SUPT6H: variants seen among roughly 807,000 people sequenced by gnomAD.
SUPT6H encodes the protein transcription elongation factor SPT6.
A neutral mutation model predicts 222.3 loss-of-function variants in SUPT6H; 11 were observed. The observed-to-expected ratio is 0.05, with a 90% CI of 0.03 to 0.08. The LOEUF (loss-of-function observed/expected upper bound fraction) is 0.08, where lower values mean the gene tolerates loss of function less well. Among genes scored for constraint, SUPT6H ranks in the 10% least tolerant of loss-of-function variants. The pLI, the probability that SUPT6H is intolerant of heterozygous loss-of-function variation, is 1.00. For synonymous variants in SUPT6H, 762 were observed against 801.2 expected (o/e 0.95, Z 0.83); for missense variants, 1,422 against 2,216.0 (o/e 0.64, Z 7.19).
In SUPT6H at chr17:28,683,818, T is replaced by G; in HGVS notation, c.2229+2T>G. On this transcript the variant is annotated splice_donor_variant, in intron 17 of 36. Coordinates refer to ENST00000314616, the MANE Select transcript of SUPT6H (RefSeq NM_003170.5). LOFTEE classifies it high-confidence loss of function. ...GAAGCCAAGGAATATGTCATAAAGG[T>G]GAGGACAGAGACTCATGATTTTTTT... 1.3e-6 allele frequency: 2 copies of G among 1,599,076 alleles called. No homozygotes were observed. The highest frequency in any genetic ancestry group is 1.7e-5 in the Admixed American group (1 of 57,182).
At chr17:28,698,064 G>A in intron 32 of SUPT6H, 34 bp downstream of exon 32, 1 of 1,595,288 alleles carries the variant, frequency 6.3e-7, no homozygotes, top group East Asian at 2.2e-5. Flanking sequence ...GCTGCCACTG[G>A]GGTTCATAGG....
At chr17:28,680,778 G>C (rs1168786888) in intron 11 of SUPT6H, among the ~76,000 whole-genome samples, 2 of 152,094 alleles carry the variant, frequency 1.3e-5, no homozygotes, top group Non-Finnish European at 2.9e-5. Context: ...CTCCCAAGTA[G>C]CTGGGACTAC....
intron 25 of SUPT6H, among the ~76,000 whole-genome samples, chr17:28,689,821 C>T (rs934818768): frequency 2.0e-5 from 3 of 152,056 alleles, no homozygotes; most frequent in Non-Finnish European, 4.4e-5. Flanking sequence ...CTACAGTTTC[C>T]GTCTAGGCCC....
rs1297963017 is a variant in SUPT6H at position 28,678,647 on chromosome 17, C to A, written c.1206+13C>A. On this transcript the variant is annotated intron_variant, in intron 10 of 36. Transcript: ENST00000314616. ...GTGGGATGAAAAGGTAATGTAGATC[C>A]GTGGCCCCCAAGAGGTGTGGGCCAG... 4 of 1,613,546 alleles carry A rather than the reference C, an allele frequency of 2.5e-6. No homozygotes were observed. In the South Asian group the frequency reaches 3.3e-5, roughly 13 times the overall value.
Position 28,690,138 on chromosome 17 carries a change from A to C in SUPT6H, c.3399A>C (p.Arg1133=), listed in dbSNP as rs2031573300. The C allele has an allele frequency of 7.4e-6, 12 of 1,613,598 alleles. No homozygotes were observed. Among genetic ancestry groups the C allele is most frequent in the Non-Finnish European group, 9.3e-6 (11 of 1,180,044 alleles). The change falls in exon 26 of 37, where the codon CGA becomes CGC. Residue 1133 remains arginine (R), a synonymous_variant. Transcript: ENST00000314616. ...ACATCCGGGCAGAGCTGAGCTGTCG[A>C]TATAAGGACCTCCGGACAGCCTACC... ...LYDIRAELSC[R]YKDLRTAYRS... is the part of the protein sequence containing the mutation.
rs1347699704 is a variant in SUPT6H, at chr17:28,701,655, CT to C, written c.*31del. 7 of 1,576,288 alleles carry C rather than the reference CT, an allele frequency of 4.4e-6. No homozygotes were observed. Among genetic ancestry groups the C allele is most frequent in the Admixed American group, 1.8e-5 (1 of 56,762 alleles). On this transcript the variant is annotated 3_prime_UTR_variant, in exon 37 of 37. Transcript: ENST00000314616. Reference sequence around the variant, plus strand: ...CCTGCTCCTCGGACTCTGGTTACCTCTGAGGCTGGGAAAGGCCTGGCTGCCC... The same window carrying C: ...CCTGCTCCTCGGACTCTGGTTACCTCGAGGCTGGGAAAGGCCTGGCTGCCC...
chr17:28,687,085 T>C lies in SUPT6H; in HGVS notation c.2701-3T>C, dbSNP rs1331697525. On this transcript the variant is annotated splice_polypyrimidine_tract_variant and splice_region_variant and intron_variant, in intron 21 of 36. Coordinates refer to ENST00000314616, the MANE Select transcript of SUPT6H (RefSeq NM_003170.5). ...GGCCCTGCTGACCCTCGTTTGACTC[T>C]AGGCAGAGTTCCGGGATTATCCTCC... is the stretch of plus-strand genomic sequence containing the variant. The C allele has an allele frequency of 6.2e-7, 1 of 1,612,986 alleles. No homozygotes were observed. Among genetic ancestry groups the C allele is most frequent in the Admixed American group, 1.7e-5 (1 of 60,020 alleles).
At chr17:28,673,624 A>G (rs1192563192) in intron 2 of SUPT6H, 114 bp downstream of exon 2, 2 of 759,010 alleles carry the variant, frequency 2.6e-6, no homozygotes, top group South Asian at 3.2e-5. Flanking sequence ...ATGAGGTACC[A>G]GCTTGAGAAC....
intron 7 of SUPT6H, 147 bp from the exon 8 acceptor site, chr17:28,677,568 A>G: frequency 1.5e-6 from 1 of 670,294 alleles, no homozygotes. Context: ...TGCTTATTTC[A>G]TGCCAGAACA....
intron 11 of SUPT6H, among the ~76,000 whole-genome samples, chr17:28,679,290 T>A (rs2030943888): frequency 6.6e-6 from 1 of 152,150 alleles, no homozygotes; most frequent in Admixed American, 6.5e-5. Flanking sequence ...GGAGAATTGC[T>A]TGAACCTGGG....
At chr17:28,676,517 A>G (rs1304996550) in intron 7 of SUPT6H, 87 bp downstream of exon 7, 12 of 1,585,624 alleles carry the variant, frequency 7.6e-6, no homozygotes, top group Admixed American at 6.9e-5. Flanking sequence ...GGCATTGAGT[A>G]TCCAGCACAG....
At chr17:28,696,802 A>C in intron 29 of SUPT6H, 42 bp from the exon 30 acceptor site, 1 of 1,578,306 alleles carries the variant, frequency 6.3e-7, no homozygotes, top group Non-Finnish European at 8.7e-7. Flanking sequence ...GCCAGCTCCT[A>C]GCCCCATCAC....
At chr17:28,693,242 C>G (rs552315290) in intron 27 of SUPT6H, among the ~76,000 whole-genome samples, 1 of 152,012 alleles carries the variant, frequency 6.6e-6, no homozygotes, top group Admixed American at 6.6e-5. Flanking sequence ...GGGCAGAACA[C>G]CTGAGGTCAG....
chr17:28,681,293 G>A lies in SUPT6H; in HGVS notation c.1387G>A (p.Val463Ile), dbSNP rs2031089244. 1 of 1,613,876 alleles carries A rather than the reference G, an allele frequency of 6.2e-7. No homozygotes were observed. The highest frequency in any genetic ancestry group is 1.3e-5 in the African/African-American group (1 of 74,894). ...CCAATCAATGGATGAGCTGAAAGAT[G>A]TCTACAACCATTTTCTTCTTTATTA... The part of the protein sequence containing the change: ...DVQSMDELKD[V>I]YNHFLLYYGR... The change falls in exon 12 of 37, where the codon GTC (valine) becomes ATC (isoleucine). Residue 463 changes from valine to isoleucine, a missense_variant. By Grantham distance (29) the Val-to-Ile change is conservative (BLOSUM62 3). Coordinates refer to ENST00000314616, the MANE Select transcript of SUPT6H (RefSeq NM_003170.5).
rs2032134779 is a variant in SUPT6H, at chr17:28,701,537, C to G, written c.5093C>G (p.Pro1698Arg). 6.2e-7 allele frequency: 1 copy of G among 1,614,008 alleles called. No homozygotes were observed. The highest frequency in any genetic ancestry group is 1.3e-5 in the African/African-American group (1 of 74,912). The change falls in exon 37 of 37, where the codon CCT becomes CGT. Residue 1698 changes from proline (P) to arginine (R), a missense_variant. By Grantham distance (103) the Pro-to-Arg change is moderately radical. This residue lies in a region of SUPT6H where 395 missense variants were observed against 580.6 expected (regional missense o/e 0.68). Transcript: ENST00000314616. ...ERRKQKQRLT[P>R]RPSPSPMIES... ...CGGAAACAGAAGCAGCGGCTGACAC[C>G]TCGGCCCTCCCCCAGCCCCATGATC... is the stretch of plus-strand genomic sequence containing the variant.
chr17:28,675,555 AGGCCTTTGCC>A lies in SUPT6H; in HGVS notation c.623+71_623+80del. On this transcript the variant is annotated intron_variant, in intron 6 of 36. Coordinates refer to ENST00000314616, the MANE Select transcript of SUPT6H (RefSeq NM_003170.5). ...GCCCAGTCAGGAAGGAGGAGATCAG[AGGCCTTTGCC>A]AAAAATGGGGCATTCCCAGCTTGCA... 3 of 1,546,018 alleles carry A rather than the reference AGGCCTTTGCC, an allele frequency of 1.9e-6. No homozygotes were observed. The Admixed American group carries it at 5.2e-5, about 27-fold the overall frequency.
chr17:28,686,821 C>T, intron 21 of SUPT6H, 32 bp downstream of exon 21: 1 of 1,561,284 alleles, frequency 6.4e-7, no homozygotes, highest in Non-Finnish European at 8.6e-7. Context: ...TAGGGCCTGC[C>T]CAGGCAAGTG....
Position 28,683,618 on chromosome 17 carries a change from C to T in SUPT6H, c.2034-3C>T, listed in dbSNP as rs553521791. 5.6e-6 allele frequency: 9 copies of T among 1,613,420 alleles called. No homozygotes were observed. Among genetic ancestry groups the T allele is most frequent in the Non-Finnish European group, 7.6e-6 (9 of 1,179,536 alleles). On this transcript the variant is annotated splice_region_variant and splice_polypyrimidine_tract_variant and intron_variant, in intron 16 of 36. Transcript: ENST00000314616. ...GACACCATAGCTTTGTGTCTCTTCT[C>T]AGCTATGGCAACGACCAGACATATT... is the stretch of plus-strand genomic sequence containing the variant.
chr17:28,694,498 C>T (rs770838838), intron 28 of SUPT6H, among the ~76,000 whole-genome samples: 10 of 152,276 alleles, frequency 6.6e-5, no homozygotes, highest in East Asian at 5.8e-4. Flanking sequence ...AGCAGCTCTG[C>T]GAAATTCACT....
Sources: allele counts gnomAD v4.1 joint callset (sites outside exome capture counted in the v4.1 genomes callset), GRCh38; gene constraint gnomAD v4.1.1; regional missense constraint gnomAD v4.1.1; transcripts MANE v1.5; gene names NCBI Gene and HGNC (gene_info 2026-07-23, HGNC 2026-07-21).